SH3BP5: variants seen among roughly 807,000 people sequenced by gnomAD.
SH3BP5 encodes SH3 domain-binding protein 5.
SH3BP5 carries 22 observed loss-of-function variants against 43.3 expected under a neutral mutation model. The observed-to-expected ratio is 0.51, with a 90% confidence interval of 0.36 to 0.73. The LOEUF (loss-of-function observed/expected upper bound fraction) is 0.73. SH3BP5 is among the 30% of genes least tolerant of loss of function. SH3BP5 has a pLI of 0.00. For synonymous variants in SH3BP5, 255 were observed against 225.8 expected (o/e 1.13, Z -1.16); for missense variants, 529 against 586.9 (o/e 0.90, Z 1.02).
At chr3:15,309,525 TACA>T (rs1278913641) in intron 2 of SH3BP5, among the ~76,000 whole-genome samples, 1 of 152,176 alleles carries the variant, frequency 6.6e-6, no homozygotes, top group African/African-American at 2.4e-5. Context: ...ACTACAGGTG[TACA>T]ACACCATGCC....
At chr3:15,318,311 C>T (rs913857330) in intron 2 of SH3BP5, among the ~76,000 whole-genome samples, 2 of 152,088 alleles carry the variant, frequency 1.3e-5, no homozygotes, top group Admixed American at 6.5e-5. Flanking sequence ...AGACACTTAA[C>T]GAACATCACC....
chr3:15,289,133 C>T (rs1697341539), intron 3 of SH3BP5, among the ~76,000 whole-genome samples: 1 of 152,316 alleles, frequency 6.6e-6, no homozygotes, highest in East Asian at 1.9e-4. Context: ...TAACTCACAG[C>T]CTTTCTAGAA....
chr3:15,286,729 A>G (rs930198217), intron 3 of SH3BP5, among the ~76,000 whole-genome samples: 1 of 151,988 alleles, frequency 6.6e-6, no homozygotes, highest in Non-Finnish European at 1.5e-5. Flanking sequence ...AATTTTTTGT[A>G]TAGATGGGGT....
At chr3:15,256,615 CTG>C (rs2125036126) in intron 8 of SH3BP5, 2 of 599,176 alleles carry the variant, frequency 3.3e-6, no homozygotes, top group South Asian at 2.2e-5. Context: ...GCCAAGGAGA[CTG>C]TTCTGATGTG....
chr3:15,321,122 T>C (rs1051733415), intron 2 of SH3BP5, among the ~76,000 whole-genome samples: 1 of 152,218 alleles, frequency 6.6e-6, no homozygotes, highest in Non-Finnish European at 1.5e-5. Context: ...TTACCATGAA[T>C]GAAGTTGTGC....
chr3:15,268,299 G>A lies in SH3BP5; in HGVS notation c.495+1414C>T, dbSNP rs571199544. ...CAGATCCCCCAGGACTTGAGCCACT[G>A]TGGCAGGTGACATTTAAAAGGGAAA... is the stretch of plus-strand genomic sequence containing the variant. On this transcript the variant is annotated intron_variant, in intron 4 of 8. Coordinates refer to ENST00000383791, the MANE Select transcript of SH3BP5 (RefSeq NM_004844.5). Among the ~76,000 whole-genome samples, 19 of 152,350 alleles carry A rather than the reference G, an allele frequency of 1.2e-4. No individual in the cohort carries two copies. In the South Asian group the frequency reaches 3.9e-3, roughly 32 times the overall value.
At chr3:15,295,015 G>A (rs947139839) in intron 3 of SH3BP5, among the ~76,000 whole-genome samples, 1 of 151,918 alleles carries the variant, frequency 6.6e-6, no homozygotes, top group Non-Finnish European at 1.5e-5. Context: ...CTTGTGCTTC[G>A]GAGTGTGCAC....
intron 2 of SH3BP5, among the ~76,000 whole-genome samples, chr3:15,323,881 T>G (rs1698395412): frequency 6.6e-6 from 1 of 152,200 alleles, no homozygotes; most frequent in African/African-American, 2.4e-5. Flanking sequence ...CCGGCTGTCC[T>G]ATAGCTAAGT....
At chr3:15,328,673 G>A (rs1472623569) in intron 2 of SH3BP5, among the ~76,000 whole-genome samples, 7 of 152,176 alleles carry the variant, frequency 4.6e-5, no homozygotes, top group Non-Finnish European at 7.3e-5. Flanking sequence ...CCAGGAGTTT[G>A]AGGTTGCAGT....
At position 15,254,837 on chromosome 3, in the gene SH3BP5, C is replaced by T. The variant is rs1696135511; in HGVS notation, c.*1249G>A. ...AATACTGGGAGTTCTTATTTGAAGT[C>T]ACAGAAAGGAGAAACTTTTCTCAAG... On this transcript the variant is annotated 3_prime_UTR_variant, in exon 9 of 9. Transcript: ENST00000383791. The T allele has an allele frequency of 6.6e-6, 1 of 152,062 alleles. No homozygotes were observed. The highest frequency in any genetic ancestry group is 1.5e-5 in the Non-Finnish European group (1 of 68,006). 9.4% of individuals were successfully genotyped at this position (152,062 alleles called of 1,614,324 possible). A position where few individuals can be genotyped will look rare whatever the true frequency, so the allele number is the denominator to read the frequency against.
chr3:15,268,119 T>G (rs952927463), intron 4 of SH3BP5, among the ~76,000 whole-genome samples: 1 of 152,136 alleles, frequency 6.6e-6, no homozygotes, highest in Non-Finnish European at 1.5e-5. Flanking sequence ...TCACGCCCAC[T>G]AGGGGGCAGG....
chr3:15,336,242 C>T (rs1193321382), upstream of SH3BP5, among the ~76,000 whole-genome samples: 2 of 152,134 alleles, frequency 1.3e-5, no homozygotes, highest in Non-Finnish European at 2.9e-5. Context: ...GGGAATATGC[C>T]TTGGGTGTTG....
intron 3 of SH3BP5, among the ~76,000 whole-genome samples, chr3:15,282,376 T>C (rs1199544741): frequency 6.6e-6 from 1 of 152,232 alleles, no homozygotes; most frequent in Non-Finnish European, 1.5e-5. Context: ...TTGCTTTTGC[T>C]ATCTTATTTA....
rs550180022 is a variant in SH3BP5 at position 15,290,014 on chromosome 3, C to T, written c.330+14089G>A. The stretch of plus-strand genomic sequence containing the variant: ...TTAGAAATAACACCAAGCACTTTCT[C>T]TGGGGTGTGGTGCTTTGACAAAGGG... On this transcript the variant is annotated intron_variant, in intron 3 of 8. Coordinates refer to ENST00000383791, the MANE Select transcript of SH3BP5 (RefSeq NM_004844.5). Among the ~76,000 whole-genome samples, 6 of 152,318 alleles carry T rather than the reference C, an allele frequency of 3.9e-5. No individual in the cohort carries two copies. The East Asian group carries it at 9.6e-4, about 24-fold the overall frequency.
chr3:15,325,617 A>C lies in SH3BP5; in HGVS notation c.201+4887T>G, dbSNP rs149353813. Reference sequence around the variant, plus strand: ...TTATTGCGTTTTCCACCCCCTCTGCAATGTAAGCCTCAGAAAAGCAGGGAC... The same window carrying C: ...TTATTGCGTTTTCCACCCCCTCTGCCATGTAAGCCTCAGAAAAGCAGGGAC... On this transcript the variant is annotated intron_variant, in intron 2 of 8. Transcript: ENST00000383791. Among the ~76,000 whole-genome samples, 279 of 152,306 alleles carry C rather than the reference A, an allele frequency of 1.8e-3. 1 individual carries two copies. The highest frequency in any genetic ancestry group is 6.4e-3 in the African/African-American group (267 of 41,550).
At chr3:15,262,991 A>G (rs1696505761) in intron 4 of SH3BP5, among the ~76,000 whole-genome samples, 1 of 152,188 alleles carries the variant, frequency 6.6e-6, no homozygotes, top group Non-Finnish European at 1.5e-5. Flanking sequence ...ATCTATATCT[A>G]GATATATATT....
chr3:15,326,775 T>TA (rs77168364), intron 2 of SH3BP5, among the ~76,000 whole-genome samples: 21,824 of 152,090 alleles, frequency 0.14, 1,842 homozygotes, highest in East Asian at 0.33. Flanking sequence ...ATTTTGCTGT[T>TA]AAAATGGCCC....
chr3:15,278,398 C>T (rs1697030805), intron 3 of SH3BP5, among the ~76,000 whole-genome samples: 1 of 152,170 alleles, frequency 6.6e-6, no homozygotes, highest in African/African-American at 2.4e-5. Context: ...TTTATTAAAG[C>T]CGTGGTTTTC....
At chr3:15,305,512 T>C (rs1012667205) in intron 2 of SH3BP5, among the ~76,000 whole-genome samples, 1 of 152,190 alleles carries the variant, frequency 6.6e-6, no homozygotes. Flanking sequence ...AATGGTCCAG[T>C]CGCCATGGAA....
Sources: gnomAD v4.1 joint callset for allele counts (sites outside exome capture counted in the v4.1 genomes callset) on GRCh38, gnomAD v4.1.1 for gene constraint, MANE v1.5 for transcripts, NCBI Gene and HGNC (gene_info 2026-07-23, HGNC 2026-07-21) for gene names.